Variants in MTA1 observed in about 807,000 individuals in gnomAD.
MTA1 encodes the protein metastasis associated 1.
MTA1 carries 15 observed loss-of-function variants against 97.0 expected under a neutral mutation model. The ratio of observed to expected loss-of-function variants is 0.15; its 90% CI spans 0.10 to 0.24. The LOEUF (loss-of-function observed/expected upper bound fraction) is 0.24. MTA1 is among the 10% of genes least tolerant of loss of function. The pLI, the probability that MTA1 is intolerant of heterozygous loss-of-function variation, is 1.00. For synonymous variants in MTA1, 435 were observed against 417.5 expected, an observed-to-expected ratio of 1.04 and a Z score of -0.51; for missense variants, 709 against 1,015.1, an observed-to-expected ratio of 0.70 and a Z score of 4.10.
intron 1 of MTA1, among the ~76,000 whole-genome samples, chr14:105,429,628 T>C (rs587741361): frequency 6.6e-6 from 1 of 151,440 alleles, no homozygotes. Context: ...ATTTTTTGTA[T>C]TTTTTTAGTA....
At chr14:105,467,708 G>A in intron 18 of MTA1, 1 of 352,224 alleles carries the variant, frequency 2.8e-6, no homozygotes, top group Non-Finnish European at 5.6e-6. Context: ...TGGTATTGGG[G>A]CTGCCCCCAT....
At chr14:105,466,644 C>A in intron 17 of MTA1, 63 bp from the exon 18 acceptor site, 1 of 1,589,618 alleles carries the variant, frequency 6.3e-7, no homozygotes, top group Non-Finnish European at 8.6e-7. Context: ...CGTCCCCGCC[C>A]GGGCACCCGC....
chr14:105,453,400 A>C (rs2083019853), intron 6 of MTA1, among the ~76,000 whole-genome samples: 1 of 152,216 alleles, frequency 6.6e-6, no homozygotes, highest in Non-Finnish European at 1.5e-5. Context: ...AGTCTCAACT[A>C]CTTGGAGGCT....
chr14:105,469,671 G>T, intron 19 of MTA1, 170 bp from the exon 20 acceptor site: 1 of 1,205,316 alleles, frequency 8.3e-7, no homozygotes, highest in Non-Finnish European at 1.2e-6. Flanking sequence ...CAGGCCCAGC[G>T]GTGTGCGGCC....
chr14:105,454,580 A>G (rs2083070740), intron 7 of MTA1: 2 of 328,314 alleles, frequency 6.1e-6, no homozygotes, highest in Admixed American at 4.2e-5. Context: ...TTGCACAGTG[A>G]CACCTGGTTT....
At chr14:105,440,882 C>T (rs781799582) in intron 2 of MTA1, among the ~76,000 whole-genome samples, 25 of 152,364 alleles carry the variant, frequency 1.6e-4, no homozygotes, top group Middle Eastern at 3.4e-3. Flanking sequence ...CAGACCTCCC[C>T]TCTGTTCCCT....
rs782209168 is a variant in MTA1 at position 105,466,492 on chromosome 14, C to T, written c.1691C>T (p.Thr564Met). ...GTGTCCAGCGTGCTCAGCAGCCTGA[C>T]GCCCGCCAAGGTGGCCCCCGTCATC... ...KSVSSVLSSL[T>M]PAKVAPVINN... Residue 564 changes from threonine to methionine, a missense_variant, in exon 17 of 21, where the codon ACG (threonine) becomes ATG (methionine). Coordinates refer to ENST00000331320, the MANE Select transcript of MTA1 (RefSeq NM_004689.4). The T allele has an allele frequency of 5.5e-5, 87 of 1,591,800 alleles. No individual in the cohort carries two copies. Among genetic ancestry groups the T allele is most frequent in the Non-Finnish European group, 7.1e-5 (83 of 1,169,390 alleles).
chr14:105,465,405 T>C (rs189568128), intron 16 of MTA1: 2 of 389,440 alleles, frequency 5.1e-6, no homozygotes, highest in African/African-American at 4.1e-5. Context: ...TGGGGCCCAG[T>C]GCGGAGTAGC....
chr14:105,425,272 TG>T (rs1366168062), intron 1 of MTA1, among the ~76,000 whole-genome samples: 5 of 152,244 alleles, frequency 3.3e-5, no homozygotes, highest in African/African-American at 1.2e-4. Context: ...CAGGCTGTCT[TG>T]GGAGCATGTA....
Position 105,463,147 on chromosome 14 carries a change from C to G in MTA1, c.943-37C>G. 6.2e-7 allele frequency: 1 copy of G among 1,602,374 alleles called. No homozygotes were observed. Among genetic ancestry groups the G allele is most frequent in the Non-Finnish European group, 8.5e-7 (1 of 1,173,502 alleles). ...CCTGCATGGTGTGCCTGCCTCCTGC[C>G]CCTTCCTGCTTGTGTGACACGCCTC... On this transcript the variant is annotated intron_variant, in intron 10 of 20. Coordinates refer to ENST00000331320, the MANE Select transcript of MTA1 (RefSeq NM_004689.4). The surrounding 1 kb of genome is among the most constrained non-coding windows in gnomAD (Gnocchi z 5.9).
At chr14:105,467,200 C>T (rs1473014759) in intron 18 of MTA1, 1 of 357,368 alleles carries the variant, frequency 2.8e-6, no homozygotes, top group East Asian at 7.7e-5. Context: ...GGAGGACTGG[C>T]TCAGGTGCTC....
chr14:105,444,066 C>G (rs1226984667), intron 2 of MTA1, among the ~76,000 whole-genome samples: 2 of 150,650 alleles, frequency 1.3e-5, no homozygotes, highest in Non-Finnish European at 2.9e-5. Flanking sequence ...CCAGCCTGGG[C>G]GACAGAGTGA....
chr14:105,470,251 G>A lies in MTA1; in HGVS notation c.*36G>A, dbSNP rs1173061810. ...CACCTGCGGCCGCCCCCCGCCCCTC[G>A]CCCGCCCACACGGCCCCTTCCCAGC... is the stretch of plus-strand genomic sequence containing the variant. On this transcript the variant is annotated 3_prime_UTR_variant, in exon 21 of 21. Transcript: ENST00000331320. 1.1e-5 allele frequency: 13 copies of A among 1,159,766 alleles called. No homozygotes were observed. Among genetic ancestry groups the A allele is most frequent in the African/African-American group, 9.6e-5 (3 of 31,244 alleles). The allele number at this position is 1,159,766 out of a possible 1,614,324, so 71.8% of individuals were successfully genotyped here. A position where few individuals can be genotyped will look rare whatever the true frequency, so the allele number is the denominator to read the frequency against.
intron 1 of MTA1, among the ~76,000 whole-genome samples, chr14:105,428,717 C>CTTTTTT (rs60016099): frequency 6.9e-6 from 1 of 145,492 alleles, no homozygotes. Flanking sequence ...AGAAGTGTTT[C>CTTTTTT]TTTTTTTTTT....
In MTA1 at chr14:105,450,796, A is replaced by G. The variant is rs75301483; in HGVS notation, c.432+472A>G. ...ATACGGTGTTAACCTGCCGTATAGCATCCCCCAAGGCGTGACAACCAAAAA... is the reference window on the plus strand; with the variant it reads ...ATACGGTGTTAACCTGCCGTATAGCGTCCCCCAAGGCGTGACAACCAAAAA... On this transcript the variant is annotated intron_variant, in intron 6 of 20. Transcript: ENST00000331320. Among the ~76,000 whole-genome samples, 35 of 152,344 alleles carry G rather than the reference A, an allele frequency of 2.3e-4. No individual in the cohort carries two copies. The East Asian group carries it at 6.4e-3, about 28-fold the overall frequency.
At chr14:105,458,549 G>A (rs1341428032) in intron 8 of MTA1, among the ~76,000 whole-genome samples, 177 bp downstream of exon 8, 13 of 152,180 alleles carry the variant, frequency 8.5e-5, no homozygotes, top group Admixed American at 8.5e-4. Context: ...GGGAGTGCTG[G>A]GTCCAGGCCC....
intron 18 of MTA1, 96 bp from the exon 19 acceptor site, chr14:105,469,371 G>C: frequency 7.2e-7 from 1 of 1,381,316 alleles, no homozygotes; most frequent in African/African-American, 1.4e-5. Context: ...AGATGGCCCC[G>C]GCCCATTGTC....
At chr14:105,454,372 C>T in intron 7 of MTA1, 62 bp downstream of exon 7, 1 of 1,217,068 alleles carries the variant, frequency 8.2e-7, no homozygotes, top group Non-Finnish European at 1.2e-6. Flanking sequence ...GGGTGACACA[C>T]TGGGTGAGAG....
At chr14:105,464,192 G>A (rs1439322244) in intron 13 of MTA1, 45 bp downstream of exon 13, 2 of 1,573,106 alleles carry the variant, frequency 1.3e-6, no homozygotes, top group Non-Finnish European at 1.7e-6. Flanking sequence ...GCCCGCCTGT[G>A]GGCCGTGGTG....
Sources: gnomAD v4.1 joint callset for allele counts (sites outside exome capture counted in the v4.1 genomes callset) on GRCh38, gnomAD v4.1.1 for gene constraint, Gnocchi (gnomAD v3.1) non-coding constraint, MANE v1.5 for transcripts, NCBI Gene and HGNC (gene_info 2026-07-23, HGNC 2026-07-21) for gene names.